EPHB1: variants seen among roughly 807,000 people sequenced by gnomAD.
EPHB1 encodes ephrin type-B receptor 1.
A neutral mutation model predicts 94.4 loss-of-function variants in EPHB1; 30 were observed. That is an observed-to-expected ratio of 0.32 (90% CI 0.24 to 0.43). The LOEUF (loss-of-function observed/expected upper bound fraction) is 0.43, where lower values mean the gene tolerates loss of function less well. EPHB1 is among the 20% of genes least tolerant of loss of function. The probability of loss-of-function intolerance (pLI) is 1.00; values close to 1 mark genes in which losing one functional copy is unlikely to be tolerated. For missense variants in EPHB1, 1,055 were observed against 1,308.3 expected (o/e 0.81, Z 2.99); for synonymous variants, 522 against 489.1 (o/e 1.07, Z -0.89).
intron 10 of EPHB1, among the ~76,000 whole-genome samples, chr3:135,187,233 C>T (rs927302323): frequency 6.6e-6 from 1 of 152,212 alleles, no homozygotes; most frequent in Admixed American, 6.5e-5. Context: ...GCCACATTTA[C>T]TGTCAGTAAA....
intron 3 of EPHB1, among the ~76,000 whole-genome samples, chr3:135,094,360 C>T (rs183194720): frequency 1.3e-5 from 2 of 152,314 alleles, no homozygotes; most frequent in African/African-American, 4.8e-5. Flanking sequence ...ATTATTGCCT[C>T]CTTCCCCAGA....
intron 3 of EPHB1, among the ~76,000 whole-genome samples, chr3:135,047,664 CTCAT>C (rs1287577003): frequency 1.3e-5 from 2 of 152,200 alleles, no homozygotes; most frequent in Non-Finnish European, 2.9e-5. Flanking sequence ...CATTCATTCA[CTCAT>C]TCATTTCTCT....
intron 3 of EPHB1, among the ~76,000 whole-genome samples, chr3:135,045,916 A>C (rs1576342509): frequency 1.3e-5 from 2 of 152,340 alleles, no homozygotes. Flanking sequence ...AGTAGCAAAG[A>C]ATATTCCCAA....
intron 3 of EPHB1, among the ~76,000 whole-genome samples, chr3:134,959,089 A>AT (rs1303170175): frequency 6.6e-6 from 1 of 152,116 alleles, no homozygotes; most frequent in Non-Finnish European, 1.5e-5. Context: ...GACTTAATAT[A>AT]TATGTATTAT....
chr3:134,823,170 A>G (rs2036413989), intron 1 of EPHB1, among the ~76,000 whole-genome samples: 1 of 152,242 alleles, frequency 6.6e-6, no homozygotes, highest in Admixed American at 6.5e-5. Flanking sequence ...AAAAGCCATT[A>G]AGTCACTCAG....
intron 9 of EPHB1, among the ~76,000 whole-genome samples, chr3:135,170,066 C>T (rs993228498): frequency 6.6e-6 from 1 of 152,200 alleles, no homozygotes; most frequent in East Asian, 1.9e-4. Context: ...GCAATTGGAG[C>T]TCTGAGATCT....
At position 135,249,476 on chromosome 3, in the gene EPHB1, C is replaced by A. The variant is rs1932972598; in HGVS notation, c.2831C>A (p.Thr944Asn). The A allele has an allele frequency of 6.2e-7, 1 of 1,613,752 alleles. No homozygotes were observed. The highest frequency in any genetic ancestry group is 8.5e-7 in the Non-Finnish European group (1 of 1,179,726). ...GGCTTCACCTCCCTCCAGCTGGTCA[C>A]CCAGATGACATCAGAGTAAGTGATG... ...TAGFTSLQLV[T>N]QMTSEDLLRI... is the part of the protein sequence containing the mutation. Residue 944 changes from threonine to asparagine, a missense_variant, in exon 15 of 16, where the codon ACC becomes AAC. Transcript: ENST00000398015.
At chr3:135,008,543 G>A (rs1935506419) in intron 3 of EPHB1, among the ~76,000 whole-genome samples, 1 of 152,240 alleles carries the variant, frequency 6.6e-6, no homozygotes. Context: ...CTCTTTGAAA[G>A]TGGATTTGAA....
At chr3:134,823,165 C>T (rs922259431) in intron 1 of EPHB1, among the ~76,000 whole-genome samples, 1 of 152,136 alleles carries the variant, frequency 6.6e-6, no homozygotes, top group African/African-American at 2.4e-5. Flanking sequence ...TGCTTAAAAG[C>T]CATTAAGTCA....
intron 3 of EPHB1, among the ~76,000 whole-genome samples, chr3:134,984,504 C>G (rs546206251): frequency 6.6e-6 from 1 of 152,176 alleles, no homozygotes; most frequent in Admixed American, 6.5e-5. Context: ...TAAAACTCTT[C>G]AAGAAGCCTT....
intron 1 of EPHB1, among the ~76,000 whole-genome samples, chr3:134,844,021 T>G (rs548707580): frequency 1.3e-5 from 2 of 152,242 alleles, no homozygotes; most frequent in African/African-American, 4.8e-5. Context: ...ACTCTGAGTG[T>G]TATTTTTTCC....
At chr3:134,842,173 G>A (rs2036789232) in intron 1 of EPHB1, among the ~76,000 whole-genome samples, 1 of 152,170 alleles carries the variant, frequency 6.6e-6, no homozygotes, top group Non-Finnish European at 1.5e-5. Context: ...TCCACCATAT[G>A]AGGACACATG....
In EPHB1 at chr3:134,795,480, C is replaced by A; in HGVS notation, c.-152C>A. ...CCACGCGCACACACTCCTGCCCACG[C>A]CCACGCAGCGCTCCGGGAAGTCCGG... On this transcript the variant is annotated 5_prime_UTR_variant, in exon 1 of 16. Transcript: ENST00000398015. 1 of 705,238 alleles carries A rather than the reference C, an allele frequency of 1.4e-6. No individual in the cohort carries two copies. Among genetic ancestry groups the A allele is most frequent in the Non-Finnish European group, 2.3e-6 (1 of 439,668 alleles). 43.7% of individuals were successfully genotyped at this position (705,238 alleles called of 1,614,324 possible). A position where few individuals can be genotyped will look rare whatever the true frequency, so the allele number is the denominator to read the frequency against.
chr3:134,827,676 A>G (rs1321743363), intron 1 of EPHB1, among the ~76,000 whole-genome samples: 1 of 152,246 alleles, frequency 6.6e-6, no homozygotes, highest in African/African-American at 2.4e-5. Flanking sequence ...CAACATGTGT[A>G]GGGGCTAGAA....
rs760099232 is a variant in EPHB1, at chr3:135,248,435, G to A, written c.2616G>A (p.Ala872=). Residue 872 remains alanine (A), a synonymous_variant, in exon 14 of 16, where the codon GCG becomes GCA. Transcript: ENST00000398015. ...ACCGGAACAGCCGGCCCCGGTTTGC[G>A]GAGATTGTCAACACCCTAGATAAGA... is the stretch of plus-strand genomic sequence containing the variant. The part of the protein sequence containing the change: ...QKDRNSRPRF[A]EIVNTLDKMI... 42 of 1,613,708 alleles carry A rather than the reference G, an allele frequency of 2.6e-5. No homozygotes were observed. Among genetic ancestry groups the A allele is most frequent in the East Asian group, 1.1e-4 (5 of 44,868 alleles).
intron 11 of EPHB1, 73 bp from the exon 12 acceptor site, chr3:135,201,401 G>T: frequency 4.0e-6 from 6 of 1,495,368 alleles, no homozygotes; most frequent in Non-Finnish European, 5.6e-6. Flanking sequence ...AAGCAGCAGG[G>T]CCACAACATC....
chr3:135,124,516 G>T (rs901927288), intron 4 of EPHB1, among the ~76,000 whole-genome samples: 2 of 151,704 alleles, frequency 1.3e-5, no homozygotes, highest in African/African-American at 4.9e-5. Flanking sequence ...TAAGTGACTG[G>T]CACTGTTCTA....
At chr3:135,167,364 C>G (rs2107700187) in intron 9 of EPHB1, among the ~76,000 whole-genome samples, 1 of 152,322 alleles carries the variant, frequency 6.6e-6, no homozygotes, top group African/African-American at 2.4e-5. Context: ...TCTGCCTTAT[C>G]TTATCCAATT....
intron 1 of EPHB1, among the ~76,000 whole-genome samples, chr3:134,799,502 G>A (rs76586420): frequency 1.3e-5 from 2 of 152,302 alleles, no homozygotes; most frequent in African/African-American, 4.8e-5. Context: ...CTCAAGCCAC[G>A]CATGGAATGC....
Sources: allele counts gnomAD v4.1 joint callset (sites outside exome capture counted in the v4.1 genomes callset), GRCh38; gene constraint gnomAD v4.1.1; transcripts MANE v1.5; gene names NCBI Gene and HGNC (gene_info 2026-07-23, HGNC 2026-07-21).